PCDH9: variants seen among roughly 807,000 people sequenced by gnomAD.
PCDH9 encodes the protein protocadherin-9.
PCDH9 carries 24 observed loss-of-function variants against 70.6 expected under a neutral mutation model. The observed-to-expected ratio is 0.34, with a 90% CI of 0.25 to 0.48. The LOEUF (loss-of-function observed/expected upper bound fraction) is 0.48. Among genes scored for constraint, PCDH9 ranks in the 20% least tolerant of loss-of-function variants. The probability of loss-of-function intolerance (pLI) is 0.99; values close to 1 mark genes in which losing one functional copy is unlikely to be tolerated. For synonymous variants in PCDH9, 562 were observed against 558.5 expected (o/e 1.01, Z -0.09); for missense variants, 1,281 against 1,503.6 (o/e 0.85, Z 2.45).
At chr13:66,395,473 C>T (rs904074528) in intron 4 of PCDH9, among the ~76,000 whole-genome samples, 11 of 151,996 alleles carry the variant, frequency 7.2e-5, no homozygotes, top group Middle Eastern at 3.4e-3. Context: ...CGGTGGCACG[C>T]GCCTGTAATC....
Position 67,025,213 on chromosome 13 carries a change from T to C in PCDH9, c.3037-121608A>G, listed in dbSNP as rs554202531. ...TAATTTTTTATTTTTTCTAAATACA[T>C]AGGTGAAATGGTTTGGTATATTTTC... is the stretch of plus-strand genomic sequence containing the variant. On this transcript the variant is annotated intron_variant, in intron 2 of 4. Coordinates refer to ENST00000377865, the MANE Select transcript of PCDH9 (RefSeq NM_203487.3). Among the ~76,000 whole-genome samples, 134 of 152,224 alleles carry C rather than the reference T, an allele frequency of 8.8e-4. 2 individuals carry two copies. The highest frequency in any genetic ancestry group is 1.6e-3 in the Non-Finnish European group (111 of 67,964).
chr13:66,505,273 G>A (rs1387453896), intron 4 of PCDH9, among the ~76,000 whole-genome samples: 1 of 152,152 alleles, frequency 6.6e-6, no homozygotes, highest in African/African-American at 2.4e-5. Context: ...AAAGGTTTAA[G>A]TGACTCACAG....
rs1369417219 is a variant in PCDH9 at position 67,190,108 on chromosome 13, A to G, written c.3036+35297T>C. Reference sequence around the variant, plus strand: ...TAAAAAGTTTTGTGAAGGTCCTCATAGAATTTTAAATATGCAAAGAATCTT... The same window carrying G: ...TAAAAAGTTTTGTGAAGGTCCTCATGGAATTTTAAATATGCAAAGAATCTT... On this transcript the variant is annotated intron_variant, in intron 2 of 4. Transcript: ENST00000377865. 7.2e-5 allele frequency among the ~76,000 whole-genome samples: 11 copies of G among 152,192 alleles called. No individual in the cohort carries two copies. The East Asian group carries it at 1.7e-3, about 24-fold the overall frequency.
intron 4 of PCDH9, among the ~76,000 whole-genome samples, chr13:66,398,236 A>G (rs960707498): frequency 2.0e-5 from 3 of 152,152 alleles, no homozygotes; most frequent in Non-Finnish European, 4.4e-5. Context: ...TCTGTGTCCA[A>G]ATTAAGGACA....
chr13:66,874,359 G>A (rs1347621084), intron 3 of PCDH9, among the ~76,000 whole-genome samples: 1 of 152,112 alleles, frequency 6.6e-6, no homozygotes. Flanking sequence ...AACATCACAT[G>A]TAAGACTGTT....
At chr13:66,306,539 A>C (rs1955469426) in intron 4 of PCDH9, among the ~76,000 whole-genome samples, 1 of 148,634 alleles carries the variant, frequency 6.7e-6, no homozygotes, top group Admixed American at 6.7e-5. Flanking sequence ...CTATTGATAT[A>C]AAAAAATTGT....
chr13:66,686,996 C>A lies in PCDH9; in HGVS notation c.3139-55585G>T, dbSNP rs1384852471. On this transcript the variant is annotated intron_variant, in intron 3 of 4. Coordinates refer to ENST00000377865, the MANE Select transcript of PCDH9 (RefSeq NM_203487.3). ...AGCCCTGGCTTCTAATTGTGCCCCC[C>A]AAAAGACATTTCGATTTACCTTATA... Among the ~76,000 whole-genome samples the A allele has an allele frequency of 5.3e-5, 8 of 152,212 alleles. No homozygotes were observed. The East Asian group carries it at 1.4e-3, about 26-fold the overall frequency.
intron 3 of PCDH9, among the ~76,000 whole-genome samples, chr13:66,745,123 T>C (rs2079339291): frequency 6.6e-6 from 1 of 152,188 alleles, no homozygotes; most frequent in South Asian, 2.1e-4. Flanking sequence ...TAAGGATGTT[T>C]TGAAGACCAA....
intron 4 of PCDH9, among the ~76,000 whole-genome samples, chr13:66,324,212 A>G (rs888263996): frequency 8.5e-5 from 13 of 152,048 alleles, no homozygotes; most frequent in Non-Finnish European, 1.5e-4. Flanking sequence ...TTCCTTTTGC[A>G]TCTGAGAGAA....
At chr13:66,859,360 G>A (rs1158212640) in intron 3 of PCDH9, among the ~76,000 whole-genome samples, 1 of 152,092 alleles carries the variant, frequency 6.6e-6, no homozygotes, top group Admixed American at 6.6e-5. Flanking sequence ...ATTAGTGTTT[G>A]TATTTGAACA....
intron 2 of PCDH9, among the ~76,000 whole-genome samples, chr13:67,125,879 GTA>G (rs953005619): frequency 2.6e-5 from 4 of 151,808 alleles, no homozygotes; most frequent in African/African-American, 4.8e-5. Context: ...GTATGCATGT[GTA>G]TATATATGTG....
intron 2 of PCDH9, among the ~76,000 whole-genome samples, chr13:66,969,553 T>A (rs549416139): frequency 3.3e-4 from 50 of 152,174 alleles, no homozygotes; most frequent in African/African-American, 1.1e-3. Context: ...TTGACTTTCT[T>A]GCCCAGCACT....
intron 3 of PCDH9, among the ~76,000 whole-genome samples, chr13:66,844,682 C>T (rs913523299): frequency 7.9e-5 from 12 of 151,868 alleles, no homozygotes; most frequent in African/African-American, 2.4e-4. Flanking sequence ...TGGAGAATGT[C>T]TAAAACTTAT....
At chr13:66,790,426 AT>A (rs2080146022) in intron 3 of PCDH9, among the ~76,000 whole-genome samples, 1 of 151,978 alleles carries the variant, frequency 6.6e-6, no homozygotes, top group African/African-American at 2.4e-5. Context: ...AGAGGTTCTA[AT>A]TTTTTGTAGT....
intron 3 of PCDH9, among the ~76,000 whole-genome samples, chr13:66,664,285 T>C (rs939376608): frequency 6.6e-6 from 1 of 152,212 alleles, no homozygotes; most frequent in Non-Finnish European, 1.5e-5. Flanking sequence ...AGACATTCAC[T>C]TTATTAGTTT....
At chr13:67,104,404 C>T (rs2086494125) in intron 2 of PCDH9, among the ~76,000 whole-genome samples, 1 of 152,146 alleles carries the variant, frequency 6.6e-6, no homozygotes, top group Non-Finnish European at 1.5e-5. Flanking sequence ...CATTCCCCGC[C>T]CACCCAAGCC....
intron 2 of PCDH9, among the ~76,000 whole-genome samples, chr13:66,933,974 GT>G (rs1249469631): frequency 6.6e-6 from 1 of 150,972 alleles, no homozygotes; most frequent in Non-Finnish European, 1.5e-5. Context: ...TACTTAACGT[GT>G]AATCATGCTG....
chr13:66,995,796 T>TCATCTG (rs2084101974), intron 2 of PCDH9, among the ~76,000 whole-genome samples: 1 of 152,196 alleles, frequency 6.6e-6, no homozygotes, highest in African/African-American at 2.4e-5. Flanking sequence ...AGAGAACATA[T>TCATCTG]CATCTGCATT....
At chr13:66,594,543 A>G (rs55740417) in intron 4 of PCDH9, among the ~76,000 whole-genome samples, 24,458 of 149,692 alleles carry the variant, frequency 0.16, 2,165 homozygotes, top group Middle Eastern at 0.23. Flanking sequence ...TACATGTGCA[A>G]GATGTACAGG....
Sources: gnomAD v4.1 joint callset for allele counts (sites outside exome capture counted in the v4.1 genomes callset) on GRCh38, gnomAD v4.1.1 for gene constraint, MANE v1.5 for transcripts, NCBI Gene and HGNC (gene_info 2026-07-23, HGNC 2026-07-21) for gene names.